DIAPH3: variants seen among roughly 807,000 people sequenced by gnomAD.
DIAPH3 encodes protein diaphanous homolog 3.
DIAPH3 carries 117 observed loss-of-function variants against 144.3 expected under a neutral mutation model. The observed-to-expected ratio is 0.81, with a 90% CI of 0.70 to 0.95. DIAPH3 has a LOEUF of 0.95. Among genes scored for constraint, DIAPH3 ranks in the 40% least tolerant of loss-of-function variants. DIAPH3 has a pLI of 0.00. For missense variants in DIAPH3, 1,421 were observed against 1,412.7 expected, an observed-to-expected ratio of 1.01 and a Z score of -0.09; for synonymous variants, 519 against 488.9, an observed-to-expected ratio of 1.06 and a Z score of -0.81.
At chr13:60,158,425 C>T (rs187122178) in intron 1 of DIAPH3, among the ~76,000 whole-genome samples, 3 of 152,316 alleles carry the variant, frequency 2.0e-5, no homozygotes, top group Non-Finnish European at 4.4e-5. Context: ...GGCTGGTATA[C>T]ATTAATGAGT....
chr13:59,695,837 T>G (rs2033771412), intron 27 of DIAPH3, among the ~76,000 whole-genome samples: 1 of 152,056 alleles, frequency 6.6e-6, no homozygotes, highest in Admixed American at 6.5e-5. Flanking sequence ...TTAAGCTGAG[T>G]CAACCAATTA....
chr13:60,047,458 A>G (rs1015744169), intron 4 of DIAPH3, among the ~76,000 whole-genome samples: 3 of 152,236 alleles, frequency 2.0e-5, no homozygotes, highest in Admixed American at 6.5e-5. Flanking sequence ...CTATAAATCT[A>G]TAGTAATCAA....
Position 59,833,137 on chromosome 13 carries a change from A to G in DIAPH3, c.2997T>C (p.Thr999=). The G allele has an allele frequency of 1.2e-6, 2 of 1,610,588 alleles. No homozygotes were observed. Among genetic ancestry groups the G allele is most frequent in the South Asian group, 2.2e-5 (2 of 90,786 alleles). ...VKKVSVEDFL[T]DLNNFRTTFM... The stretch of plus-strand genomic sequence containing the variant: ...ATGTGGTTCTGAAGTTATTCAGGTC[A>G]GTAAGAAAGTCTTCCACAGACACCT... The change falls in exon 24 of 28, where the codon ACT becomes ACC. Residue 999 remains threonine (T), a synonymous_variant. Coordinates refer to ENST00000400324, the MANE Select transcript of DIAPH3 (RefSeq NM_001042517.2).
chr13:60,152,061 T>A (rs181776411), intron 1 of DIAPH3, among the ~76,000 whole-genome samples: 42 of 152,332 alleles, frequency 2.8e-4, no homozygotes, highest in African/African-American at 9.1e-4. Context: ...AGTTTCATTT[T>A]ATGACACCCA....
At chr13:60,145,418 C>T (rs531040231) in intron 1 of DIAPH3, among the ~76,000 whole-genome samples, 2 of 152,186 alleles carry the variant, frequency 1.3e-5, no homozygotes, top group Non-Finnish European at 2.9e-5. Flanking sequence ...GAGGCTGAGG[C>T]GGGTGGATCA....
intron 21 of DIAPH3, among the ~76,000 whole-genome samples, chr13:59,877,501 T>A (rs1233839912): frequency 6.6e-6 from 1 of 152,150 alleles, no homozygotes; most frequent in Non-Finnish European, 1.5e-5. Flanking sequence ...ACTGAGCACT[T>A]GGCATGTGGC....
chr13:59,832,501 G>A (rs1436179302), intron 24 of DIAPH3, among the ~76,000 whole-genome samples: 1 of 151,726 alleles, frequency 6.6e-6, no homozygotes, highest in Non-Finnish European at 1.5e-5. Flanking sequence ...AGTTTCCCTA[G>A]GGAGGCAACA....
At chr13:59,840,697 A>T (rs527422938) in intron 22 of DIAPH3, among the ~76,000 whole-genome samples, 1 of 152,030 alleles carries the variant, frequency 6.6e-6, no homozygotes, top group East Asian at 1.9e-4. Context: ...CAATGATTGA[A>T]CTCTTCCGAG....
chr13:60,041,504 C>G (rs1302032762), intron 5 of DIAPH3, among the ~76,000 whole-genome samples: 1 of 152,162 alleles, frequency 6.6e-6, no homozygotes, highest in East Asian at 1.9e-4. Flanking sequence ...ATAAATCTCA[C>G]TCAGTCTCAC....
chr13:59,983,510 T>G (rs548273566), intron 13 of DIAPH3, among the ~76,000 whole-genome samples: 1 of 151,634 alleles, frequency 6.6e-6, no homozygotes, highest in African/African-American at 2.4e-5. Flanking sequence ...AAGATGATAA[T>G]GACTACTCCC....
At chr13:59,885,107 T>C (rs1008174295) in intron 20 of DIAPH3, among the ~76,000 whole-genome samples, 9 of 152,114 alleles carry the variant, frequency 5.9e-5, no homozygotes, top group Non-Finnish European at 1.3e-4. Flanking sequence ...ACTAAGGATT[T>C]CACAGGAGGT....
At chr13:59,883,725 G>A (rs56029104) in intron 20 of DIAPH3, among the ~76,000 whole-genome samples, 2,331 of 152,146 alleles carry the variant, frequency 0.015, 73 homozygotes, top group African/African-American at 0.054. Flanking sequence ...TCAGAGCATC[G>A]CAATGTGGAA....
chr13:60,043,786 G>T (rs2055864059), intron 4 of DIAPH3, among the ~76,000 whole-genome samples: 1 of 152,124 alleles, frequency 6.6e-6, no homozygotes, highest in South Asian at 2.1e-4. Context: ...ACTACATATG[G>T]GGAGAAACAG....
intron 17 of DIAPH3, among the ~76,000 whole-genome samples, chr13:59,948,363 A>G (rs1277949167): frequency 1.3e-5 from 2 of 152,008 alleles, no homozygotes; most frequent in African/African-American, 4.8e-5. Context: ...CACATTTTCT[A>G]CTCTCCTTGT....
chr13:59,943,962 A>G (rs112178979), intron 17 of DIAPH3, among the ~76,000 whole-genome samples: 3 of 152,172 alleles, frequency 2.0e-5, no homozygotes, highest in African/African-American at 7.2e-5. Flanking sequence ...CTGCAAACCC[A>G]GCACTTTGAG....
intron 2 of DIAPH3, among the ~76,000 whole-genome samples, chr13:60,119,106 CAG>C (rs1165122204): frequency 6.6e-6 from 1 of 152,120 alleles, no homozygotes; most frequent in Non-Finnish European, 1.5e-5. Flanking sequence ...ATGTAACCAA[CAG>C]ATATTTTGGA....
At chr13:60,016,748 A>G (rs1318533592) in intron 5 of DIAPH3, among the ~76,000 whole-genome samples, 4 of 152,128 alleles carry the variant, frequency 2.6e-5, no homozygotes, top group Non-Finnish European at 4.4e-5. Flanking sequence ...TGCTTTAAAA[A>G]CAAACAAACA....
intron 24 of DIAPH3, among the ~76,000 whole-genome samples, chr13:59,824,853 G>A (rs2041288251): frequency 6.6e-6 from 1 of 152,036 alleles, no homozygotes; most frequent in South Asian, 2.1e-4. Context: ...GAAACTATGA[G>A]TAAGAAAGAA....
At chr13:59,938,301 T>G (rs992705011) in intron 17 of DIAPH3, among the ~76,000 whole-genome samples, 5 of 152,190 alleles carry the variant, frequency 3.3e-5, no homozygotes, top group African/African-American at 1.2e-4. Context: ...TTGTGTTGTG[T>G]ACATCCTATA....
Sources: allele counts gnomAD v4.1 joint callset (sites outside exome capture counted in the v4.1 genomes callset), GRCh38; gene constraint gnomAD v4.1.1; transcripts MANE v1.5; gene names NCBI Gene and HGNC (gene_info 2026-07-23, HGNC 2026-07-21).